HHLA2: variants seen among roughly 807,000 people sequenced by gnomAD.
HHLA2 encodes HERV-H LTR-associating protein 2.
HHLA2 carries 48 observed loss-of-function variants against 45.9 expected under a neutral mutation model. The ratio of observed to expected loss-of-function variants is 1.05; its 90% CI spans 0.83 to 1.33. The LOEUF is 1.33. Among genes scored for constraint, HHLA2 ranks in the 40% most tolerant of loss-of-function variants. HHLA2 has a pLI of 0.00. For synonymous variants in HHLA2, 161 were observed against 173.9 expected (o/e 0.93, Z 0.59); for missense variants, 462 against 494.3 (o/e 0.93, Z 0.62).
At chr3:108,332,021 C>A (rs747720416) in intron 3 of HHLA2, among the ~76,000 whole-genome samples, 1 of 152,088 alleles carries the variant, frequency 6.6e-6, no homozygotes, top group Non-Finnish European at 1.5e-5. Flanking sequence ...TCATGAAAGA[C>A]GTGGCATTTC....
chr3:108,358,258 T>A (rs1388257428), intron 7 of HHLA2, 97 bp downstream of exon 6: 18 of 777,026 alleles, frequency 2.3e-5, no homozygotes, highest in Non-Finnish European at 3.4e-5. Context: ...CAAGAATACA[T>A]TGATACCCTC....
chr3:108,334,411 C>T (rs1014957087), intron 3 of HHLA2, among the ~76,000 whole-genome samples: 3 of 152,196 alleles, frequency 2.0e-5, no homozygotes, highest in Admixed American at 6.5e-5. Context: ...GCATGTATAT[C>T]GTTCAGTCCT....
chr3:108,314,763 A>G (rs1386110537), intron 2 of HHLA2, among the ~76,000 whole-genome samples: 1 of 152,210 alleles, frequency 6.6e-6, no homozygotes, highest in African/African-American at 2.4e-5. Flanking sequence ...TTTCACAAGG[A>G]AGGAAACAGT....
intron 1 of HHLA2, among the ~76,000 whole-genome samples, chr3:108,297,276 A>G (rs895268768): frequency 6.6e-6 from 1 of 152,208 alleles, no homozygotes; most frequent in Admixed American, 6.5e-5. Flanking sequence ...TGTTACTGGT[A>G]CCTGACAAAA....
chr3:108,337,967 G>T (rs1047081312), intron 3 of HHLA2, among the ~76,000 whole-genome samples: 2 of 151,914 alleles, frequency 1.3e-5, no homozygotes, highest in Non-Finnish European at 2.9e-5. Context: ...TTACTTTCTA[G>T]GAACTTAATT....
At chr3:108,302,091 C>T (rs2080860018) in intron 1 of HHLA2, among the ~76,000 whole-genome samples, 1 of 152,110 alleles carries the variant, frequency 6.6e-6, no homozygotes, top group Admixed American at 6.6e-5. Context: ...ATCTAATTCA[C>T]ACAAGAATGT....
intron 3 of HHLA2, among the ~76,000 whole-genome samples, chr3:108,342,072 A>G (rs1553754556): frequency 6.6e-6 from 1 of 152,126 alleles, no homozygotes; most frequent in Non-Finnish European, 1.5e-5. Flanking sequence ...TTTTCAATAG[A>G]GGCAGTCGCG....
intron 7 of HHLA2, among the ~76,000 whole-genome samples, chr3:108,359,833 A>G (rs2081958444): frequency 6.6e-6 from 1 of 152,162 alleles, no homozygotes; most frequent in African/African-American, 2.4e-5. Flanking sequence ...CCCCCAGTGG[A>G]TGCCTGAAAC....
At chr3:108,361,371 G>A (rs11922938) in intron 7 of HHLA2, among the ~76,000 whole-genome samples, 11,635 of 152,114 alleles carry the variant, frequency 0.076, 558 homozygotes, top group African/African-American at 0.13. Flanking sequence ...ATATCACACC[G>A]TGGATGCTAC....
chr3:108,298,851 A>G (rs2080804437), intron 1 of HHLA2, among the ~76,000 whole-genome samples: 1 of 152,194 alleles, frequency 6.6e-6, no homozygotes, highest in Admixed American at 6.5e-5. Context: ...CAAACCACTA[A>G]TTCCCAAGTG....
chr3:108,346,553 G>C (rs1440402291), intron 3 of HHLA2, among the ~76,000 whole-genome samples: 2 of 152,184 alleles, frequency 1.3e-5, no homozygotes, highest in Non-Finnish European at 2.9e-5. Context: ...ATAATGATGA[G>C]AGTGATGCAA....
At chr3:108,322,056 G>C (rs190497793) in intron 2 of HHLA2, among the ~76,000 whole-genome samples, 20 of 152,198 alleles carry the variant, frequency 1.3e-4, no homozygotes, top group Admixed American at 1.2e-3. Flanking sequence ...TTTACTCCAG[G>C]ATGTCTTTTT....
At chr3:108,357,529 G>T (rs1184937855) in intron 6 of HHLA2, among the ~76,000 whole-genome samples, 2 of 152,048 alleles carry the variant, frequency 1.3e-5, no homozygotes, top group African/African-American at 2.4e-5. Flanking sequence ...GAGTTTAATA[G>T]GCTAGTAACT....
intron 1 of HHLA2, among the ~76,000 whole-genome samples, chr3:108,300,675 C>T (rs769470259): frequency 2.0e-5 from 3 of 152,104 alleles, no homozygotes; most frequent in African/African-American, 7.2e-5. Flanking sequence ...GGTAAACCCA[C>T]AGGAGGCAAA....
At chr3:108,354,326 TCAGA>T (rs1008372084) in intron 5 of HHLA2, among the ~76,000 whole-genome samples, 4 of 151,894 alleles carry the variant, frequency 2.6e-5, no homozygotes, top group African/African-American at 7.2e-5. Context: ...TTAATATCAC[TCAGA>T]CAGAGCTTCA....
chr3:108,371,465 A>G (rs2082170309), intron 8 of HHLA2, among the ~76,000 whole-genome samples: 2 of 152,354 alleles, frequency 1.3e-5, no homozygotes, highest in African/African-American at 4.8e-5. Context: ...GATCAAATTC[A>G]CATATAACAA....
intron 1 of HHLA2, among the ~76,000 whole-genome samples, chr3:108,299,276 T>G (rs2080812578): frequency 6.6e-6 from 1 of 150,884 alleles, no homozygotes. Context: ...TAAACTTAGT[T>G]TAAAAAAAGA....
At chr3:108,303,515 T>C (rs1354143967) in intron 1 of HHLA2, among the ~76,000 whole-genome samples, 1 of 152,232 alleles carries the variant, frequency 6.6e-6, no homozygotes, top group Non-Finnish European at 1.5e-5. Context: ...TAGCTTGTTT[T>C]TGAGTACTTG....
intron 6 of HHLA2, among the ~76,000 whole-genome samples, chr3:108,355,697 C>T (rs2081877070): frequency 6.6e-6 from 1 of 152,196 alleles, no homozygotes; most frequent in Non-Finnish European, 1.5e-5. Flanking sequence ...ATGTATTTGT[C>T]AATGGCTCAT....
Sources: allele counts gnomAD v4.1 joint callset (sites outside exome capture counted in the v4.1 genomes callset), GRCh38; gene constraint gnomAD v4.1.1; transcripts MANE v1.5; gene names NCBI Gene and HGNC (gene_info 2026-07-23, HGNC 2026-07-21).